CACUL1: variants seen among roughly 807,000 people sequenced by gnomAD.
The protein encoded by CACUL1 is CDK2-associated and cullin domain-containing protein 1.
Under a neutral mutation model 45.2 loss-of-function variants are expected in CACUL1, and 13 were observed. That is an observed-to-expected ratio of 0.29 (90% CI 0.19 to 0.46). CACUL1 has a LOEUF of 0.46. Among genes scored for constraint, CACUL1 ranks in the 20% least tolerant of loss-of-function variants. The pLI is 1.00. For synonymous variants in CACUL1, 197 were observed against 174.2 expected, an observed-to-expected ratio of 1.13 and a Z score of -1.03; for missense variants, 421 against 471.4, an observed-to-expected ratio of 0.89 and a Z score of 0.99.
Position 118,754,813 on chromosome 10 carries a change from C to A in CACUL1, c.-51G>T. On this transcript the variant is annotated 5_prime_UTR_variant, in exon 1 of 9. Transcript: ENST00000369151. ...CCTCACAGGCACCTGCCGCCTGTCT[C>A]AACCCCGGGCCAGCGGGCACCGCTG... 1 of 1,509,492 alleles carries A rather than the reference C, an allele frequency of 6.6e-7. No homozygotes were observed. Among genetic ancestry groups the A allele is most frequent in the Admixed American group, 2.3e-5 (1 of 43,448 alleles). 93.5% of individuals were successfully genotyped at this position (1,509,492 alleles called of 1,614,324 possible). A position where few individuals can be genotyped will look rare whatever the true frequency, so the allele number is the denominator to read the frequency against.
intron 3 of CACUL1, among the ~76,000 whole-genome samples, chr10:118,721,558 T>G (rs764079936): frequency 2.6e-5 from 4 of 152,054 alleles, no homozygotes; most frequent in Non-Finnish European, 5.9e-5. Flanking sequence ...GAGATAAAAA[T>G]TGCAACATTT....
chr10:118,737,484 C>G (rs539345540), intron 1 of CACUL1, among the ~76,000 whole-genome samples: 5 of 152,252 alleles, frequency 3.3e-5, no homozygotes, highest in African/African-American at 1.2e-4. Context: ...AACAAGACAA[C>G]ATTTTGGTCC....
intron 5 of CACUL1, among the ~76,000 whole-genome samples, chr10:118,697,778 A>C (rs1206731076): frequency 6.6e-6 from 1 of 152,160 alleles, no homozygotes; most frequent in Non-Finnish European, 1.5e-5. Context: ...AAAAGTCAAC[A>C]CACTATATTT....
chr10:118,718,012 TAGA>T (rs1401889931), intron 3 of CACUL1, among the ~76,000 whole-genome samples: 2 of 152,168 alleles, frequency 1.3e-5, no homozygotes, highest in Admixed American at 1.3e-4. Context: ...GCCTGTGCCC[TAGA>T]ACCTACCCAG....
chr10:118,745,817 T>TA (rs1016966725), intron 1 of CACUL1, among the ~76,000 whole-genome samples: 11 of 150,108 alleles, frequency 7.3e-5, no homozygotes, highest in African/African-American at 9.8e-5. Context: ...CAATAACCCT[T>TA]AAAAAAAAAC....
At chr10:118,692,410 A>G (rs571987688) in intron 6 of CACUL1, 1 of 152,370 alleles carries the variant, frequency 6.6e-6, no homozygotes, top group Non-Finnish European at 1.5e-5. Flanking sequence ...TGTACAGATC[A>G]GTAAGACCAG....
In CACUL1 at chr10:118,676,476, A is replaced by C. The variant is rs1178549750; in HGVS notation, c.*9652T>G. On this transcript the variant is annotated 3_prime_UTR_variant, in exon 9 of 9. Coordinates refer to ENST00000369151, the MANE Select transcript of CACUL1 (RefSeq NM_153810.5). The stretch of plus-strand genomic sequence containing the variant: ...CAACACACTTTTGCAAAATTGGTGG[A>C]TGGAACTCAAAAATATTTTCAGTAA... The C allele has an allele frequency of 1.3e-5, 2 of 152,240 alleles. No homozygotes were observed. The highest frequency in any genetic ancestry group is 2.9e-5 in the Non-Finnish European group (2 of 68,040). 9.4% of individuals were successfully genotyped at this position (152,240 alleles called of 1,614,324 possible).
At position 118,729,456 on chromosome 10, in the gene CACUL1, C is replaced by G. The variant is rs539329814; in HGVS notation, c.495-59G>C. 9.7e-6 allele frequency: 12 copies of G among 1,235,050 alleles called. No individual in the cohort carries two copies. The East Asian group carries it at 2.6e-4, about 26-fold the overall frequency. 76.5% of individuals were successfully genotyped at this position (1,235,050 alleles called of 1,614,324 possible). On this transcript the variant is annotated intron_variant, in intron 2 of 8. Transcript: ENST00000369151. Reference sequence around the variant, plus strand: ...TTAATCATAAAGCACTTAACTCAGTCCAAGGTTAAAGCACACTTTTGATAT... The same window carrying G: ...TTAATCATAAAGCACTTAACTCAGTGCAAGGTTAAAGCACACTTTTGATAT...
intron 6 of CACUL1, among the ~76,000 whole-genome samples, chr10:118,692,156 C>T (rs1845278076): frequency 6.6e-6 from 1 of 151,580 alleles, no homozygotes; most frequent in Non-Finnish European, 1.5e-5. Context: ...AGAGGCAGCA[C>T]AAAAGGTAGG....
rs1367397737 is a variant in CACUL1, at chr10:118,683,995, G to C, written c.*2133C>G. 2.0e-5 allele frequency: 3 copies of C among 152,548 alleles called. No individual in the cohort carries two copies. The highest frequency in any genetic ancestry group is 7.2e-5 in the African/African-American group (3 of 41,448). The allele number at this position is 152,548 out of a possible 1,614,324, so 9.4% of individuals were successfully genotyped here. A position where few individuals can be genotyped will look rare whatever the true frequency, so the allele number is the denominator to read the frequency against. On this transcript the variant is annotated 3_prime_UTR_variant, in exon 9 of 9. Coordinates refer to ENST00000369151, the MANE Select transcript of CACUL1 (RefSeq NM_153810.5). ...ATTAAGAGCTGACCCATAGCCAGCT[G>C]CAGTCACTGTGCAAAAATTTAGAGA... is the stretch of plus-strand genomic sequence containing the variant.
chr10:118,740,387 A>T (rs1023349944), intron 1 of CACUL1, among the ~76,000 whole-genome samples: 2 of 152,092 alleles, frequency 1.3e-5, no homozygotes, highest in African/African-American at 4.8e-5. Context: ...ACTCAGGCAG[A>T]TGGCTTGAGG....
chr10:118,697,005 T>C (rs1447889458), intron 5 of CACUL1, among the ~76,000 whole-genome samples: 2 of 152,148 alleles, frequency 1.3e-5, no homozygotes, highest in Non-Finnish European at 2.9e-5. Context: ...ATGATAAATA[T>C]AATACAAAGA....
chr10:118,750,908 A>G (rs1845891993), intron 1 of CACUL1, among the ~76,000 whole-genome samples: 1 of 152,222 alleles, frequency 6.6e-6, no homozygotes, highest in Admixed American at 6.5e-5. Context: ...ATACAGGCAT[A>G]CAGTGTGTAA....
intron 6 of CACUL1, among the ~76,000 whole-genome samples, chr10:118,691,761 G>T (rs1012447308): frequency 4.0e-5 from 6 of 151,220 alleles, no homozygotes; most frequent in Non-Finnish European, 8.8e-5. Flanking sequence ...CAGCTACTCA[G>T]GAGGCTGAGG....
intron 3 of CACUL1, among the ~76,000 whole-genome samples, chr10:118,712,904 T>C (rs1010163705): frequency 1.3e-5 from 2 of 152,198 alleles, no homozygotes; most frequent in African/African-American, 2.4e-5. Context: ...CTCCAGTCTG[T>C]AGGACTGGCA....
chr10:118,701,422 TA>T lies in CACUL1; in HGVS notation c.694-15del. 6.9e-7 allele frequency: 1 copy of T among 1,442,010 alleles called. No individual in the cohort carries two copies. The highest frequency in any genetic ancestry group is 9.5e-7 in the Non-Finnish European group (1 of 1,048,404). 89.3% of individuals were successfully genotyped at this position (1,442,010 alleles called of 1,614,324 possible). ...GTAAAACTTATTCTGAAAAATAAAA[TA>T]AAATCTTTTTTTGTGTATTAATTGG... On this transcript the variant is annotated splice_polypyrimidine_tract_variant and intron_variant, in intron 4 of 8. Transcript: ENST00000369151.
intron 6 of CACUL1, chr10:118,693,891 T>A (rs1025203074): frequency 2.7e-5 from 10 of 375,956 alleles, no homozygotes; most frequent in Non-Finnish European, 4.7e-5. Flanking sequence ...ATACTCTAGA[T>A]GTCATTAATC....
intron 3 of CACUL1, among the ~76,000 whole-genome samples, chr10:118,719,890 A>T (rs1347876153): frequency 2.6e-5 from 4 of 152,182 alleles, no homozygotes; most frequent in Non-Finnish European, 5.9e-5. Context: ...TGCAGATATT[A>T]TTTCCATATT....
intron 1 of CACUL1, 23 bp downstream of exon 1, chr10:118,754,373 C>A: frequency 1.3e-6 from 2 of 1,500,180 alleles, no homozygotes; most frequent in Non-Finnish European, 1.8e-6. Flanking sequence ...AAAGCCAAGG[C>A]TGCAGGGAAA....
Sources: allele counts gnomAD v4.1 joint callset (sites outside exome capture counted in the v4.1 genomes callset), GRCh38; gene constraint gnomAD v4.1.1; transcripts MANE v1.5; gene names NCBI Gene and HGNC (gene_info 2026-07-23, HGNC 2026-07-21).